Variants in CDYL2 observed in about 807,000 individuals in gnomAD.
CDYL2 encodes the protein chromodomain Y-like protein 2.
CDYL2 carries 23 observed loss-of-function variants against 49.4 expected under a neutral mutation model. The observed-to-expected ratio is 0.47, with a 90% confidence interval of 0.34 to 0.66. The LOEUF (loss-of-function observed/expected upper bound fraction) is 0.66. Ranked by LOEUF, CDYL2 falls within the 30% of genes least tolerant of loss-of-function variation. The probability of loss-of-function intolerance (pLI) is 0.01; values close to 1 mark genes in which losing one functional copy is unlikely to be tolerated. For synonymous variants in CDYL2, 360 were observed against 268.8 expected (o/e 1.34, Z -3.32); for missense variants, 678 against 656.4 (o/e 1.03, Z -0.36).
At chr16:80,742,499 T>C (rs1409334099) in intron 1 of CDYL2, among the ~76,000 whole-genome samples, 1 of 146,564 alleles carries the variant, frequency 6.8e-6, no homozygotes, top group East Asian at 2.1e-4. Context: ...GATGGATGAA[T>C]AGATGGATAC....
At position 80,679,006 on chromosome 16, in the gene CDYL2, G is replaced by A. The variant is rs1335590452; in HGVS notation, c.616+5532C>T. Among the ~76,000 whole-genome samples the A allele has an allele frequency of 5.3e-5, 8 of 149,772 alleles. No homozygotes were observed. The East Asian group carries it at 5.9e-4, about 11-fold the overall frequency. ...AAATCATCATTCTCAGTAAACTATCGCAAGAACAAAAAACCAAACACTGCA... is the reference window on the plus strand; with the variant it reads ...AAATCATCATTCTCAGTAAACTATCACAAGAACAAAAAACCAAACACTGCA... On this transcript the variant is annotated intron_variant, in intron 2 of 6. Coordinates refer to ENST00000570137, the MANE Select transcript of CDYL2 (RefSeq NM_152342.4).
chr16:80,711,991 GTATATATA>G (rs905748316), intron 1 of CDYL2, among the ~76,000 whole-genome samples: 1 of 149,952 alleles, frequency 6.7e-6, no homozygotes, highest in Admixed American at 6.6e-5. Flanking sequence ...ATATATGTAT[GTATATATA>G]TGTGTGTATA....
intron 2 of CDYL2, among the ~76,000 whole-genome samples, chr16:80,667,883 G>T (rs73583689): frequency 0.031 from 4,695 of 152,324 alleles, 246 homozygotes; most frequent in African/African-American, 0.11. Context: ...GCCCACAGAG[G>T]CTGGGTCATT....
intron 1 of CDYL2, among the ~76,000 whole-genome samples, chr16:80,777,849 A>T (rs1907139085): frequency 6.6e-6 from 1 of 152,132 alleles, no homozygotes; most frequent in Non-Finnish European, 1.5e-5. Flanking sequence ...TGAAACCAGC[A>T]TTAATTTGAC....
Position 80,649,746 on chromosome 16 carries a change from C to T in CDYL2, c.617-16510G>A, listed in dbSNP as rs189232661. Among the ~76,000 whole-genome samples the T allele has an allele frequency of 1.6e-3, 242 of 152,090 alleles. 2 individuals are homozygous for T. The highest frequency in any genetic ancestry group is 2.8e-3 in the Non-Finnish European group (187 of 67,926). On this transcript the variant is annotated intron_variant, in intron 2 of 6. Coordinates refer to ENST00000570137, the MANE Select transcript of CDYL2 (RefSeq NM_152342.4). Reference sequence around the variant, plus strand: ...AAGAGCTACAGTAACCAAAACAGCACGGTACTGGCATAAAAACAGATACAG... The same window carrying T: ...AAGAGCTACAGTAACCAAAACAGCATGGTACTGGCATAAAAACAGATACAG...
Position 80,684,956 on chromosome 16 carries a change from G to C in CDYL2, c.198C>G (p.Ile66Met), listed in dbSNP as rs751032757. ...AGGTACTGGACTGCTTCCCTGACTT[G>C]ATCCTCTTGTCCTTGGACATGTGCA... ...NGLHMSKDKR[I>M]KSGKQSSTSK... Residue 66 changes from isoleucine to methionine, a missense_variant, in exon 2 of 7, where the codon ATC (isoleucine) becomes ATG (methionine). By Grantham distance (10) the Ile-to-Met change is conservative. Coordinates refer to ENST00000570137, the MANE Select transcript of CDYL2 (RefSeq NM_152342.4). The C allele has an allele frequency of 1.2e-6, 2 of 1,614,162 alleles. No homozygotes were observed. The highest frequency in any genetic ancestry group is 1.7e-5 in the Admixed American group (1 of 60,014).
intron 4 of CDYL2, among the ~76,000 whole-genome samples, chr16:80,616,053 C>G (rs1201172036): frequency 1.3e-5 from 2 of 152,220 alleles, no homozygotes; most frequent in Non-Finnish European, 2.9e-5. Context: ...ACAGCTTCCT[C>G]TGCTCTACCC....
Position 80,608,124 on chromosome 16 carries a change from G to A in CDYL2, c.1330C>T (p.Arg444Trp), listed in dbSNP as rs1366494845. The A allele has an allele frequency of 3.1e-6, 5 of 1,602,524 alleles. No homozygotes were observed. Among genetic ancestry groups the A allele is most frequent in the Admixed American group, 1.7e-5 (1 of 58,848 alleles). The change falls in exon 6 of 7, where the codon CGG becomes TGG. Residue 444 changes from arginine to tryptophan, a missense_variant. Coordinates refer to ENST00000570137, the MANE Select transcript of CDYL2 (RefSeq NM_152342.4). ...PTTFSQEVML[R>W]VKEMASCSAV... The stretch of plus-strand genomic sequence containing the variant: ...CTGCAGGATGCCATCTCCTTGACCC[G>A]CAGCATGACCTCCTGGCTGAACGTG...
chr16:80,746,257 C>T (rs28402224), intron 1 of CDYL2, among the ~76,000 whole-genome samples: 2 of 152,182 alleles, frequency 1.3e-5, no homozygotes, highest in Non-Finnish European at 2.9e-5. Context: ...AAAGCACAGG[C>T]TGAGAACATA....
At chr16:80,710,871 C>A (rs535541091) in intron 1 of CDYL2, among the ~76,000 whole-genome samples, 1 of 152,202 alleles carries the variant, frequency 6.6e-6, no homozygotes, top group Non-Finnish European at 1.5e-5. Context: ...CACTGCATAT[C>A]ATATACCCAG....
At chr16:80,631,097 A>G (rs552894819) in intron 3 of CDYL2, among the ~76,000 whole-genome samples, 91 of 152,340 alleles carry the variant, frequency 6.0e-4, no homozygotes, top group African/African-American at 2.1e-3. Context: ...AGAAGAGACA[A>G]AAGGGCGAGC....
chr16:80,760,668 G>C (rs1283407198), intron 1 of CDYL2, among the ~76,000 whole-genome samples: 1 of 151,962 alleles, frequency 6.6e-6, no homozygotes, highest in African/African-American at 2.4e-5. Context: ...CAAAATCATT[G>C]TATTCCTTGT....
chr16:80,726,270 T>C (rs374836225), intron 1 of CDYL2, among the ~76,000 whole-genome samples: 2 of 152,306 alleles, frequency 1.3e-5, no homozygotes, highest in South Asian at 2.1e-4. Context: ...ATCCATAGGT[T>C]TTCTCCCAGT....
At chr16:80,629,954 A>C (rs956397775) in intron 3 of CDYL2, among the ~76,000 whole-genome samples, 2 of 152,208 alleles carry the variant, frequency 1.3e-5, no homozygotes, top group Admixed American at 1.3e-4. Flanking sequence ...CTTGCCAGCA[A>C]AATACTGTAA....
At chr16:80,779,051 G>T (rs746309059) in intron 1 of CDYL2, among the ~76,000 whole-genome samples, 2 of 151,934 alleles carry the variant, frequency 1.3e-5, no homozygotes, top group African/African-American at 2.4e-5. Context: ...TACATATTTT[G>T]TCATGAGGAT....
chr16:80,642,493 T>C (rs1269857955), intron 2 of CDYL2, among the ~76,000 whole-genome samples: 1 of 152,156 alleles, frequency 6.6e-6, no homozygotes, highest in African/African-American at 2.4e-5. Flanking sequence ...TTTATGCAAA[T>C]AGTGTTGTTA....
intron 1 of CDYL2, among the ~76,000 whole-genome samples, chr16:80,787,874 T>C (rs1188613643): frequency 1.3e-5 from 2 of 152,206 alleles, no homozygotes; most frequent in Non-Finnish European, 2.9e-5. Context: ...TATTTTTTAA[T>C]GCCAAGCATG....
chr16:80,765,822 C>T (rs1399191932), intron 1 of CDYL2, among the ~76,000 whole-genome samples: 3 of 123,326 alleles, frequency 2.4e-5, no homozygotes, highest in African/African-American at 6.3e-5. Context: ...GGGAGGATCT[C>T]TTGAGCCCAG....
At chr16:80,691,626 G>C (rs1490652510) in intron 1 of CDYL2, among the ~76,000 whole-genome samples, 2 of 152,092 alleles carry the variant, frequency 1.3e-5, no homozygotes, top group African/African-American at 4.8e-5. Flanking sequence ...ACACAACATG[G>C]TCATAAAAAT....
Sources: gnomAD v4.1 joint callset for allele counts (sites outside exome capture counted in the v4.1 genomes callset) on GRCh38, gnomAD v4.1.1 for gene constraint, MANE v1.5 for transcripts, NCBI Gene and HGNC (gene_info 2026-07-23, HGNC 2026-07-21) for gene names.